ZBTB20: variants seen among roughly 807,000 people sequenced by gnomAD.
The protein encoded by ZBTB20 is zinc finger and BTB domain containing 20, also known as zinc finger and BTB domain-containing protein 20.
Under a neutral mutation model 56.9 loss-of-function variants are expected in ZBTB20, and 9 were observed. The observed-to-expected ratio is 0.16, with a 90% CI of 0.10 to 0.28. The LOEUF is 0.28. Among genes scored for constraint, ZBTB20 ranks in the 10% least tolerant of loss-of-function variants. The pLI is 1.00. For synonymous variants in ZBTB20, 417 were observed against 420.7 expected (o/e 0.99, Z 0.11); for missense variants, 655 against 1,003.0 (o/e 0.65, Z 4.69).
At chr3:114,994,927 A>G (rs1052201320) in intron 2 of ZBTB20, among the ~76,000 whole-genome samples, 1 of 151,850 alleles carries the variant, frequency 6.6e-6, no homozygotes, top group Admixed American at 6.6e-5. Flanking sequence ...TAAATAGCTC[A>G]TGGCCCACCT....
intron 10 of ZBTB20, among the ~76,000 whole-genome samples, chr3:114,364,166 A>G (rs555237642): frequency 6.6e-6 from 1 of 152,254 alleles, no homozygotes; most frequent in Admixed American, 6.5e-5. Flanking sequence ...AAAACCAACA[A>G]TTTGACCAGG....
intron 7 of ZBTB20, among the ~76,000 whole-genome samples, chr3:114,435,129 T>A (rs866882132): frequency 6.6e-6 from 1 of 152,144 alleles, no homozygotes; most frequent in Non-Finnish European, 1.5e-5. Context: ...CAAACAGCCA[T>A]TCACTCAAAC....
intron 5 of ZBTB20, among the ~76,000 whole-genome samples, chr3:114,750,363 C>T (rs965335283): frequency 2.6e-5 from 4 of 152,018 alleles, no homozygotes; most frequent in African/African-American, 9.7e-5. Context: ...TGAGCCTCAT[C>T]GGACTGTAGG....
intron 2 of ZBTB20, among the ~76,000 whole-genome samples, chr3:115,069,728 A>G (rs1332965949): frequency 2.0e-5 from 3 of 152,156 alleles, no homozygotes; most frequent in Non-Finnish European, 4.4e-5. Context: ...ATATAAGTAT[A>G]CATAAACACT....
At chr3:114,692,255 T>C (rs549526817) in intron 6 of ZBTB20, among the ~76,000 whole-genome samples, 1 of 152,094 alleles carries the variant, frequency 6.6e-6, no homozygotes, top group African/African-American at 2.4e-5. Context: ...GAGTTTCTTT[T>C]GGGGTAGCAT....
At chr3:114,529,964 T>TATA (rs1423111500) in intron 6 of ZBTB20, among the ~76,000 whole-genome samples, 19 of 152,374 alleles carry the variant, frequency 1.2e-4, no homozygotes, top group African/African-American at 4.6e-4. Flanking sequence ...TTATGTGCTG[T>TATA]ATAATGACAT....
chr3:114,843,067 C>T (rs1188773129), intron 4 of ZBTB20, among the ~76,000 whole-genome samples: 1 of 152,184 alleles, frequency 6.6e-6, no homozygotes, highest in East Asian at 1.9e-4. Flanking sequence ...GTCCTTCTGC[C>T]GCCATGTAAG....
chr3:114,730,784 T>C (rs1274219), intron 5 of ZBTB20, among the ~76,000 whole-genome samples: 18,180 of 152,168 alleles, frequency 0.12, 1,339 homozygotes, highest in African/African-American at 0.21. Context: ...TTTGTTATGG[T>C]AGGCCTACAG....
At chr3:114,765,450 C>A (rs1282284805) in intron 5 of ZBTB20, among the ~76,000 whole-genome samples, 1 of 152,026 alleles carries the variant, frequency 6.6e-6, no homozygotes, top group Non-Finnish European at 1.5e-5. Context: ...CCTTACAGGT[C>A]AAGGAATTCC....
intron 4 of ZBTB20, among the ~76,000 whole-genome samples, chr3:114,805,872 C>A (rs555160951): frequency 4.6e-5 from 7 of 151,862 alleles, no homozygotes; most frequent in African/African-American, 1.7e-4. Flanking sequence ...GTAGCTTTTT[C>A]ACTTATCATA....
intron 6 of ZBTB20, among the ~76,000 whole-genome samples, chr3:114,559,569 T>A (rs2051729822): frequency 6.6e-6 from 1 of 152,132 alleles, no homozygotes; most frequent in Non-Finnish European, 1.5e-5. Context: ...GTCCATAGCT[T>A]TCATCATATT....
intron 3 of ZBTB20, among the ~76,000 whole-genome samples, chr3:114,905,918 T>C (rs1251495045): frequency 6.6e-6 from 1 of 151,842 alleles, no homozygotes; most frequent in East Asian, 1.9e-4. Flanking sequence ...TCCTAACCAA[T>C]TATGTGGTTC....
At chr3:114,561,558 T>A (rs1421039618) in intron 6 of ZBTB20, among the ~76,000 whole-genome samples, 2 of 152,272 alleles carry the variant, frequency 1.3e-5, no homozygotes, top group Admixed American at 1.3e-4. Context: ...GTATTGTCAA[T>A]GAGCAGTAGT....
intron 2 of ZBTB20, among the ~76,000 whole-genome samples, chr3:114,983,671 A>G (rs923537629): frequency 4.9e-4 from 75 of 152,034 alleles, no homozygotes; most frequent in African/African-American, 1.6e-3. Flanking sequence ...ACTTTTGCCT[A>G]TCTGTGATAT....
At chr3:114,393,394 G>T (rs1368633784) in intron 7 of ZBTB20, among the ~76,000 whole-genome samples, 1 of 152,118 alleles carries the variant, frequency 6.6e-6, no homozygotes, top group Admixed American at 6.5e-5. Flanking sequence ...GATTTACATT[G>T]TGCATTTTAT....
chr3:114,634,100 G>C (rs1367075873), intron 6 of ZBTB20, among the ~76,000 whole-genome samples: 2 of 151,950 alleles, frequency 1.3e-5, no homozygotes, highest in Non-Finnish European at 2.9e-5. Flanking sequence ...CACAATTTTA[G>C]AGCTCGAATT....
At chr3:114,885,992 T>C (rs2076586853) in intron 4 of ZBTB20, among the ~76,000 whole-genome samples, 1 of 152,234 alleles carries the variant, frequency 6.6e-6, no homozygotes, top group African/African-American at 2.4e-5. Context: ...TGTAATATCC[T>C]ACAACCATGA....
intron 2 of ZBTB20, among the ~76,000 whole-genome samples, chr3:114,999,666 G>A (rs1414901883): frequency 1.3e-5 from 2 of 151,534 alleles, no homozygotes; most frequent in Non-Finnish European, 3.0e-5. Context: ...GTTATGTCAG[G>A]AAAAATATAG....
intron 5 of ZBTB20, among the ~76,000 whole-genome samples, chr3:114,776,499 T>A (rs556598059): frequency 1.5e-4 from 23 of 152,258 alleles, no homozygotes; most frequent in African/African-American, 5.3e-4. Context: ...AGAAAAGGAT[T>A]CTCCCCTAGA....
Sources: allele counts gnomAD v4.1 joint callset (sites outside exome capture counted in the v4.1 genomes callset), GRCh38; gene constraint gnomAD v4.1.1; transcripts MANE v1.5; gene names NCBI Gene and HGNC (gene_info 2026-07-23, HGNC 2026-07-21).